Variants in FOXP2 observed in about 807,000 individuals in gnomAD.
FOXP2 encodes forkhead box P2.
In FOXP2, 12 loss-of-function variants were observed where a neutral mutation model predicts 115.8. The ratio of observed to expected loss-of-function variants is 0.10; its 90% confidence interval spans 0.07 to 0.17. FOXP2 has a LOEUF of 0.17. Ranked by LOEUF, FOXP2 falls within the 10% of genes least tolerant of loss-of-function variation. The pLI, the probability that FOXP2 is intolerant of heterozygous loss-of-function variation, is 1.00. For synonymous variants in FOXP2, 328 were observed against 297.7 expected, an observed-to-expected ratio of 1.10 and a Z score of -1.05; for missense variants, 629 against 843.5, an observed-to-expected ratio of 0.75 and a Z score of 3.15.
chr7:114,556,075 GGACTACT>G (rs1800439654), intron 3 of FOXP2, among the ~76,000 whole-genome samples: 1 of 152,142 alleles, frequency 6.6e-6, no homozygotes, highest in African/African-American at 2.4e-5. Context: ...TGGCAGTGAT[GGACTACT>G]ACTACTGGAG....
chr7:114,409,082 G>T (rs765464127), intron 2 of FOXP2, among the ~76,000 whole-genome samples: 1 of 152,016 alleles, frequency 6.6e-6, no homozygotes, highest in Non-Finnish European at 1.5e-5. Flanking sequence ...AGAACTTCTG[G>T]TGCTAGTATT....
chr7:114,496,501 C>T (rs184240631), intron 2 of FOXP2, among the ~76,000 whole-genome samples: 7 of 152,174 alleles, frequency 4.6e-5, no homozygotes, highest in Non-Finnish European at 8.8e-5. Flanking sequence ...CAGAAGGTAA[C>T]ATATTTACTG....
At chr7:114,410,758 A>G (rs1273771889), upstream of FOXP2, among the ~76,000 whole-genome samples, 1 of 152,078 alleles carries the variant, frequency 6.6e-6, no homozygotes, top group Non-Finnish European at 1.5e-5. Context: ...TGTTATAGCT[A>G]TACACAGGTA....
chr7:114,416,058 C>T (rs1192553545), intron 1 of FOXP2, among the ~76,000 whole-genome samples: 1 of 151,922 alleles, frequency 6.6e-6, no homozygotes, highest in African/African-American at 2.4e-5. Flanking sequence ...TAGTTTAATA[C>T]TCGTGTCAGT....
At chr7:114,508,580 G>A (rs1278566715) in intron 2 of FOXP2, among the ~76,000 whole-genome samples, 1 of 151,954 alleles carries the variant, frequency 6.6e-6, no homozygotes, top group Non-Finnish European at 1.5e-5. Context: ...AGGAGAAGAG[G>A]AGCAGGAAAC....
Position 114,691,904 on chromosome 7 carries a change from G to A in FOXP2, c.*1978G>A. The A allele has an allele frequency of 2.2e-6, 1 of 446,954 alleles. No homozygotes were observed. The highest frequency in any genetic ancestry group is 4.4e-6 in the Non-Finnish European group (1 of 225,356). The allele number at this position is 446,954 out of a possible 1,614,324, so 27.7% of individuals were successfully genotyped here. On this transcript the variant is annotated 3_prime_UTR_variant, in exon 17 of 17. Transcript: ENST00000350908. ...AAAGGGTTTTCCCACTTACCCAAAAGGCTTTCTGAAAGCTTCTACCTCTGC... is the reference window on the plus strand; with the variant it reads ...AAAGGGTTTTCCCACTTACCCAAAAAGCTTTCTGAAAGCTTCTACCTCTGC...
At chr7:114,307,986 A>G (rs147865351) in intron 2 of FOXP2, among the ~76,000 whole-genome samples, 71 of 152,248 alleles carry the variant, frequency 4.7e-4, no homozygotes, top group African/African-American at 1.5e-3. Flanking sequence ...CACTAGATCT[A>G]GGAGGGAAGG....
chr7:114,493,527 C>G (rs1190689093), intron 2 of FOXP2, among the ~76,000 whole-genome samples: 2 of 152,064 alleles, frequency 1.3e-5, no homozygotes, highest in Non-Finnish European at 2.9e-5. Flanking sequence ...TGCTGTGCTC[C>G]TAAATGTGCT....
chr7:114,546,561 G>T (rs1799935517), intron 3 of FOXP2, among the ~76,000 whole-genome samples: 1 of 151,820 alleles, frequency 6.6e-6, no homozygotes, highest in Non-Finnish European at 1.5e-5. Context: ...ACTTGTTTTT[G>T]TTCCTGCTTC....
At chr7:114,397,930 A>C (rs1792783277) in intron 2 of FOXP2, among the ~76,000 whole-genome samples, 1 of 152,190 alleles carries the variant, frequency 6.6e-6, no homozygotes, top group African/African-American at 2.4e-5. Context: ...AATTGAAATG[A>C]TATTCCAGCA....
chr7:114,254,552 A>G (rs910420907), intron 1 of FOXP2, among the ~76,000 whole-genome samples: 15 of 152,100 alleles, frequency 9.9e-5, no homozygotes, highest in Admixed American at 7.2e-4. Flanking sequence ...TTGATCTTCA[A>G]TCACTGATAC....
At chr7:114,095,863 A>G (rs1799637878) in intron 1 of FOXP2, among the ~76,000 whole-genome samples, 1 of 152,220 alleles carries the variant, frequency 6.6e-6, no homozygotes, top group Non-Finnish European at 1.5e-5. Context: ...GTGCTACATT[A>G]GAAGGAAACA....
At chr7:114,577,585 T>C (rs901564418) in intron 3 of FOXP2, among the ~76,000 whole-genome samples, 2 of 151,968 alleles carry the variant, frequency 1.3e-5, no homozygotes, top group Non-Finnish European at 2.9e-5. Context: ...CTCACAATCA[T>C]GCTCCTTAGC....
intron 3 of FOXP2, among the ~76,000 whole-genome samples, chr7:114,590,543 A>G (rs1490282439): frequency 6.6e-6 from 1 of 152,136 alleles, no homozygotes; most frequent in Non-Finnish European, 1.5e-5. Flanking sequence ...GGGAAGGCAG[A>G]TGTAACTAAG....
At chr7:114,304,554 CAG>C (rs1251265570) in intron 2 of FOXP2, among the ~76,000 whole-genome samples, 1 of 150,922 alleles carries the variant, frequency 6.6e-6, no homozygotes, top group Non-Finnish European at 1.5e-5. Flanking sequence ...CCTGTAGTCC[CAG>C]CTACTCAGGA....
Position 114,628,753 on chromosome 7 carries a change from T to C in FOXP2, c.396+76T>C, listed in dbSNP as rs774856772. 11 of 1,572,368 alleles carry C rather than the reference T, an allele frequency of 7.0e-6. No individual in the cohort carries two copies. The South Asian group carries it at 1.2e-4, about 17-fold the overall frequency. On this transcript the variant is annotated intron_variant, in intron 4 of 16. Coordinates refer to ENST00000350908, the MANE Select transcript of FOXP2 (RefSeq NM_014491.4). The stretch of plus-strand genomic sequence containing the variant: ...ACTTATTTTGAAAGTGCAGTGGGCA[T>C]ATTTGACAATTCAGTCTCCATTTGA...
At chr7:114,198,856 G>T (rs539597100) in intron 1 of FOXP2, among the ~76,000 whole-genome samples, 1 of 152,316 alleles carries the variant, frequency 6.6e-6, no homozygotes, top group Admixed American at 6.5e-5. Context: ...TGAAACTGGA[G>T]CCAGCCAGCT....
At chr7:114,164,984 A>ATG (rs1792937906) in intron 1 of FOXP2, among the ~76,000 whole-genome samples, 1 of 151,874 alleles carries the variant, frequency 6.6e-6, no homozygotes, top group Non-Finnish European at 1.5e-5. Flanking sequence ...GTATGTTTAT[A>ATG]TATATATATA....
intron 16 of FOXP2, among the ~76,000 whole-genome samples, chr7:114,670,639 A>G (rs914815075): frequency 9.9e-5 from 15 of 152,160 alleles, no homozygotes; most frequent in Admixed American, 5.2e-4. Flanking sequence ...TAATGAAAAC[A>G]TAAGTATATA....
Sources: allele counts gnomAD v4.1 joint callset (sites outside exome capture counted in the v4.1 genomes callset), GRCh38; gene constraint gnomAD v4.1.1; transcripts MANE v1.5; gene names NCBI Gene and HGNC (gene_info 2026-07-23, HGNC 2026-07-21).